The following NAALADL2 variants were observed in gnomAD, a reference collection of about 807,000 sequenced individuals.
The protein encoded by NAALADL2 is N-acetylated alpha-linked acidic dipeptidase like 2, also known as inactive N-acetylated-alpha-linked acidic dipeptidase-like protein 2.
Under a neutral mutation model 87.2 loss-of-function variants are expected in NAALADL2, and 76 were observed. The ratio of observed to expected loss-of-function variants is 0.87; its 90% CI spans 0.72 to 1.05. NAALADL2 has a LOEUF of 1.05. Among genes scored for constraint, NAALADL2 ranks in the 50% least tolerant of loss-of-function variants. The probability of loss-of-function intolerance (pLI) is 0.00; values close to 1 mark genes in which losing one functional copy is unlikely to be tolerated. For synonymous variants in NAALADL2, 354 were observed against 331.0 expected (o/e 1.07, Z -0.75); for missense variants, 1,089 against 945.8 (o/e 1.15, Z -1.99).
At chr3:175,174,673 A>G (rs1735417337) in intron 2 of NAALADL2, among the ~76,000 whole-genome samples, 1 of 152,054 alleles carries the variant, frequency 6.6e-6, no homozygotes, top group Non-Finnish European at 1.5e-5. Flanking sequence ...AGAAAAAATA[A>G]AAGTTCATAT....
intron 10 of NAALADL2, among the ~76,000 whole-genome samples, chr3:175,582,986 A>G (rs1340055862): frequency 6.6e-6 from 1 of 152,142 alleles, no homozygotes; most frequent in Non-Finnish European, 1.5e-5. Flanking sequence ...TCAAATCTAT[A>G]CAGATGCTAC....
chr3:174,562,961 AGTTATATTTCT>A (rs1713803409), intron 2 of NAALADL2, among the ~76,000 whole-genome samples: 1 of 152,166 alleles, frequency 6.6e-6, no homozygotes, highest in Admixed American at 6.6e-5. Flanking sequence ...ATGAACACAA[AGTTATATTTCT>A]GGATGACTCA....
chr3:174,770,147 T>C lies in NAALADL2; in HGVS notation c.-9+32401T>C, dbSNP rs181116812. 2.1e-3 allele frequency among the ~76,000 whole-genome samples: 318 copies of C among 152,300 alleles called. 1 individual carries two copies. Among genetic ancestry groups the C allele is most frequent in the African/African-American group, 7.4e-3 (308 of 41,580 alleles). On this transcript the variant is annotated intron_variant, in intron 3 of 3. Coordinates refer to the NAALADL2 transcript ENST00000434257. Reference sequence around the variant, plus strand: ...GTACACAAACACACATGCATGTACATGAAGAGAACTGTACAAATAATACAC... The same window carrying C: ...GTACACAAACACACATGCATGTACACGAAGAGAACTGTACAAATAATACAC...
chr3:174,558,994 G>A (rs150098263), intron 2 of NAALADL2, among the ~76,000 whole-genome samples: 49 of 152,248 alleles, frequency 3.2e-4, no homozygotes, highest in African/African-American at 1.1e-3. Flanking sequence ...GGGACATTCA[G>A]TTCAGAATGA....
At chr3:175,732,696 T>G (rs1316818646) in intron 11 of NAALADL2, among the ~76,000 whole-genome samples, 2 of 152,146 alleles carry the variant, frequency 1.3e-5, no homozygotes, top group African/African-American at 4.8e-5. Flanking sequence ...TGAGGCTCTT[T>G]CTTTAGCTCA....
intron 1 of NAALADL2, among the ~76,000 whole-genome samples, chr3:174,884,789 C>A (rs1729859814): frequency 6.6e-6 from 1 of 152,138 alleles, no homozygotes; most frequent in Non-Finnish European, 1.5e-5. Context: ...AAAACTCAAG[C>A]AGTTCTTTTC....
chr3:174,717,853 T>C (rs558799865), intron 2 of NAALADL2, among the ~76,000 whole-genome samples: 39 of 152,264 alleles, frequency 2.6e-4, no homozygotes, highest in African/African-American at 9.4e-4. Context: ...TGGCCGGGCA[T>C]GGTGGCTCAT....
chr3:175,766,381 A>G (rs560907360), intron 13 of NAALADL2, among the ~76,000 whole-genome samples: 8 of 152,290 alleles, frequency 5.3e-5, no homozygotes, highest in Non-Finnish European at 8.8e-5. Context: ...TGAAGACACC[A>G]AAAGACTCCA....
intron 2 of NAALADL2, among the ~76,000 whole-genome samples, chr3:174,642,642 A>G (rs1223696825): frequency 1.3e-5 from 2 of 151,646 alleles, no homozygotes; most frequent in African/African-American, 4.8e-5. Flanking sequence ...TGGGCTAATA[A>G]GAACCATTGT....
At chr3:174,675,797 A>T (rs1321287641) in intron 2 of NAALADL2, among the ~76,000 whole-genome samples, 1 of 152,022 alleles carries the variant, frequency 6.6e-6, no homozygotes. Flanking sequence ...GTTTGATTTT[A>T]TGTTCCAATG....
intron 10 of NAALADL2, among the ~76,000 whole-genome samples, chr3:175,595,675 CT>C (rs1197763268): frequency 6.6e-6 from 1 of 151,670 alleles, no homozygotes; most frequent in Non-Finnish European, 1.5e-5. Flanking sequence ...GGGACTACAG[CT>C]GCCCAAGGAA....
At chr3:175,128,481 A>T (rs1207794882) in intron 2 of NAALADL2, among the ~76,000 whole-genome samples, 6 of 152,014 alleles carry the variant, frequency 3.9e-5, no homozygotes, top group African/African-American at 1.5e-4. Context: ...TTGTGTTTTT[A>T]GTAGGCAATC....
At chr3:174,664,610 A>C (rs188713595) in intron 2 of NAALADL2, among the ~76,000 whole-genome samples, 91 of 152,310 alleles carry the variant, frequency 6.0e-4, no homozygotes, top group African/African-American at 2.0e-3. Context: ...TTAAATGTAT[A>C]CATACCTACA....
At chr3:175,439,218 C>G (rs1179373594) in intron 5 of NAALADL2, among the ~76,000 whole-genome samples, 2 of 152,050 alleles carry the variant, frequency 1.3e-5, no homozygotes, top group Non-Finnish European at 2.9e-5. Context: ...CCGTGGTATA[C>G]ACATACCATA....
chr3:175,564,160 C>T (rs16825966), intron 9 of NAALADL2, among the ~76,000 whole-genome samples: 19,661 of 151,954 alleles, frequency 0.13, 1,377 homozygotes, highest in Middle Eastern at 0.17. Context: ...CTGTGCCCTC[C>T]TAAAATTAAA....
intron 1 of NAALADL2, among the ~76,000 whole-genome samples, chr3:175,063,375 A>G (rs1713919088): frequency 6.6e-6 from 1 of 152,130 alleles, no homozygotes; most frequent in South Asian, 2.1e-4. Flanking sequence ...AGCTTGAGGA[A>G]CAAATCCTTC....
At chr3:175,746,230 G>A (rs1321355679) in intron 12 of NAALADL2, among the ~76,000 whole-genome samples, 1 of 149,642 alleles carries the variant, frequency 6.7e-6, no homozygotes. Flanking sequence ...AGAAAGGATA[G>A]TATTTCAAGG....
rs1483408785 is a variant in NAALADL2 at position 175,427,332 on chromosome 3, G to C, written c.1091-19897G>C. Among the ~76,000 whole-genome samples the C allele has an allele frequency of 2.0e-5, 3 of 151,834 alleles. No homozygotes were observed. In the East Asian group the frequency reaches 5.8e-4, roughly 29 times the overall value. ...TATTGCAAAGGCATTTGTACTTCCA[G>C]CAATTAAGCAGCTTAAATCCCTACA... is the stretch of plus-strand genomic sequence containing the variant. On this transcript the variant is annotated intron_variant, in intron 5 of 13. Transcript: ENST00000454872.
chr3:175,639,416 G>T (rs989002459), intron 11 of NAALADL2, among the ~76,000 whole-genome samples: 5 of 144,638 alleles, frequency 3.5e-5, no homozygotes, highest in Non-Finnish European at 6.0e-5. Context: ...CACCTCCCGG[G>T]TTCACACCAT....
Sources: allele counts gnomAD v4.1 joint callset (sites outside exome capture counted in the v4.1 genomes callset), GRCh38; gene constraint gnomAD v4.1.1; transcripts MANE v1.5; gene names NCBI Gene and HGNC (gene_info 2026-07-23, HGNC 2026-07-21).